PKHD1: variants seen among roughly 807,000 people sequenced by gnomAD.
PKHD1 encodes fibrocystin.
In PKHD1, 291 loss-of-function variants were observed where a neutral mutation model predicts 412.0. The observed-to-expected ratio is 0.71, with a 90% CI of 0.64 to 0.78. The LOEUF is 0.78. Ranked by LOEUF, PKHD1 falls within the 30% of genes least tolerant of loss-of-function variation. The pLI is 0.00. For synonymous variants in PKHD1, 1,777 were observed against 1,821.5 expected (o/e 0.98, Z 0.62); for missense variants, 4,825 against 4,950.7 (o/e 0.97, Z 0.76).
At chr6:51,830,368 A>G (rs1369930934) in intron 52 of PKHD1, among the ~76,000 whole-genome samples, 1 of 152,206 alleles carries the variant, frequency 6.6e-6, no homozygotes, top group Non-Finnish European at 1.5e-5. Flanking sequence ...GAATAGATAC[A>G]TAGATAGGTA....
chr6:52,039,654 T>C (rs1210259840), intron 27 of PKHD1, among the ~76,000 whole-genome samples: 3 of 152,224 alleles, frequency 2.0e-5, no homozygotes, highest in South Asian at 4.1e-4. Context: ...ATATTGCTAG[T>C]AGGAATGTAA....
intron 36 of PKHD1, among the ~76,000 whole-genome samples, chr6:51,940,876 T>A (rs2474889): frequency 0.95 from 143,768 of 151,162 alleles, 68,614 homozygotes; most frequent in East Asian, 1. Flanking sequence ...TCTGGTGCCA[T>A]CTTAGACAAC....
At chr6:51,803,890 T>C (rs1020561909) in intron 52 of PKHD1, among the ~76,000 whole-genome samples, 6 of 151,226 alleles carry the variant, frequency 4.0e-5, no homozygotes, top group Non-Finnish European at 5.9e-5. Context: ...GTATTATTAG[T>C]AGAGATGGGG....
chr6:51,938,610 C>G (rs1293035856), intron 36 of PKHD1, among the ~76,000 whole-genome samples: 1 of 151,190 alleles, frequency 6.6e-6, no homozygotes, highest in East Asian at 1.9e-4. Context: ...ACTCAGCCCA[C>G]CTGCACCCAG....
intron 52 of PKHD1, among the ~76,000 whole-genome samples, chr6:51,813,483 A>G (rs558096202): frequency 6.6e-6 from 1 of 152,204 alleles, no homozygotes; most frequent in South Asian, 2.1e-4. Flanking sequence ...ATGGCCTTAT[A>G]TTTATATAAC....
At chr6:51,721,572 T>C (rs1430727584) in intron 60 of PKHD1, 73 of 1,002,678 alleles carry the variant, frequency 7.3e-5, no homozygotes, top group Non-Finnish European at 8.3e-5. Flanking sequence ...ACCAATTTAA[T>C]ATCTGAATTG....
chr6:51,712,581 C>G (rs1780784552), intron 60 of PKHD1, among the ~76,000 whole-genome samples: 1 of 152,110 alleles, frequency 6.6e-6, no homozygotes, highest in Non-Finnish European at 1.5e-5. Flanking sequence ...TTCAGATATA[C>G]CATTTGTTTT....
Position 52,027,822 on chromosome 6 carries a change from C to T in PKHD1, c.3628+7G>A, listed in dbSNP as rs1471032530. 3.1e-6 allele frequency: 5 copies of T among 1,597,356 alleles called. No homozygotes were observed. The Admixed American group carries it at 8.3e-5, about 27-fold the overall frequency. On this transcript the variant is annotated splice_region_variant and intron_variant, in intron 31 of 66. Transcript: ENST00000371117. ...TAATTGATAACAGTCACATAAGAGC[C>T]ACTCACCCAGCAGGGACCCACAGCA...
intron 22 of PKHD1, among the ~76,000 whole-genome samples, chr6:52,049,847 AAACT>A (rs1020680452): frequency 2.0e-5 from 3 of 152,332 alleles, no homozygotes; most frequent in East Asian, 1.9e-4. Context: ...CACTATTTTT[AAACT>A]AACTGACTCG....
intron 37 of PKHD1, among the ~76,000 whole-genome samples, chr6:51,928,080 C>G (rs922262343): frequency 2.0e-5 from 3 of 152,150 alleles, no homozygotes; most frequent in Non-Finnish European, 4.4e-5. Context: ...AAACCTCTCA[C>G]CTTACCTCTT....
In PKHD1 at chr6:51,747,901, C is replaced by T. The variant is rs980098360; in HGVS notation, c.9715G>A (p.Gly3239Ser). 26 of 1,614,008 alleles carry T rather than the reference C, an allele frequency of 1.6e-5. No homozygotes were observed. Among genetic ancestry groups the T allele is most frequent in the Non-Finnish European group, 2.2e-5 (26 of 1,179,952 alleles). The change falls in exon 58 of 67, where the codon GGT becomes AGT. Residue 3239 changes from glycine to serine, a missense_variant. Gly to Ser is a moderately conservative substitution (Grantham distance 56). Coordinates refer to ENST00000371117, the MANE Select transcript of PKHD1 (RefSeq NM_138694.4). ...TDRAPSNPRG[G>S]RIGILWPVFT... ...ACAGGCCACAGAATACCAATTCGAC[C>T]TCCTCTTGGATTGGAGGGAGCTCTA...
At chr6:51,942,897 A>G (rs918085438) in intron 36 of PKHD1, among the ~76,000 whole-genome samples, 2 of 151,492 alleles carry the variant, frequency 1.3e-5, no homozygotes, top group Non-Finnish European at 3.0e-5. Flanking sequence ...CTCCCTACAC[A>G]TCAAGCTCGG....
At chr6:51,794,980 T>C (rs1794372220) in intron 52 of PKHD1, among the ~76,000 whole-genome samples, 1 of 152,184 alleles carries the variant, frequency 6.6e-6, no homozygotes, top group African/African-American at 2.4e-5. Flanking sequence ...GCTTTTCTCT[T>C]TTTGCTTAGG....
At chr6:51,689,297 C>G (rs1051886436) in intron 60 of PKHD1, among the ~76,000 whole-genome samples, 55 of 152,184 alleles carry the variant, frequency 3.6e-4, no homozygotes, top group Admixed American at 1.2e-3. Flanking sequence ...AATTCGACAT[C>G]AGTTCATGTT....
intron 45 of PKHD1, among the ~76,000 whole-genome samples, chr6:51,883,880 G>A (rs372720003): frequency 2.0e-5 from 3 of 152,062 alleles, no homozygotes; most frequent in African/African-American, 7.2e-5. Context: ...AAAAAACTTG[G>A]GGCTGTGAGT....
At position 52,082,480 on chromosome 6, in the gene PKHD1, C is replaced by T. The variant is rs749853418; in HGVS notation, c.193G>A (p.Val65Met). ...CGCAGTGCGGGCACCACCATGTTCA[C>T]GTTCACCAGGTGTATCTCCAATTGA... ...GSQLEIHLVN[V>M]NMVVPALRSV... The change falls in exon 4 of 67, where the codon GTG becomes ATG. Residue 65 changes from valine to methionine, a missense_variant. Physicochemically the swap from Val to Met is conservative, Grantham distance 21 (BLOSUM62 1). Coordinates refer to ENST00000371117, the MANE Select transcript of PKHD1 (RefSeq NM_138694.4). 39 of 1,613,858 alleles carry T rather than the reference C, an allele frequency of 2.4e-5. 1 individual carries two copies. The highest frequency in any genetic ancestry group is 3.3e-4 in the Middle Eastern group (2 of 6,084).
In PKHD1 at chr6:51,906,309, G is replaced by T; in HGVS notation, c.6714C>A (p.Asn2238Lys). 6.2e-7 allele frequency: 1 copy of T among 1,609,678 alleles called. No homozygotes were observed. The highest frequency in any genetic ancestry group is 8.5e-7 in the Non-Finnish European group (1 of 1,176,230). Reference protein sequence around the residue: ...ESFIQGCTVRNSFSRGLSMCG... With the variant: ...ESFIQGCTVRKSFSRGLSMCG... ...ACATGCTGAGGCCTCTACTGAAGGA[G>T]TTCCTCACTGTGCAGCCCTGTATGA... Residue 2238 changes from asparagine (N) to lysine (K), a missense_variant, in exon 41 of 67, where the codon AAC becomes AAA. Transcript: ENST00000371117.
intron 35 of PKHD1, among the ~76,000 whole-genome samples, chr6:51,967,501 G>A (rs1046475056): frequency 6.6e-6 from 1 of 152,172 alleles, no homozygotes; most frequent in South Asian, 2.1e-4. Flanking sequence ...CCTGAGACTT[G>A]AGGGACTGCA....
intron 37 of PKHD1, among the ~76,000 whole-genome samples, chr6:51,925,443 GTGTGTGTGTGTA>G (rs1169432352): frequency 2.2e-5 from 2 of 92,736 alleles, no homozygotes; most frequent in Admixed American, 1.2e-4. Flanking sequence ...TTCTTCGTGT[GTGTGTGTGTGTA>G]TGTGTGTGTG....
Sources: gnomAD v4.1 joint callset for allele counts (sites outside exome capture counted in the v4.1 genomes callset) on GRCh38, gnomAD v4.1.1 for gene constraint, MANE v1.5 for transcripts, NCBI Gene and HGNC (gene_info 2026-07-23, HGNC 2026-07-21) for gene names.